Variants in TCF7L1 observed in about 807,000 individuals in gnomAD.
TCF7L1 encodes the protein transcription factor 7-like 1.
In TCF7L1, 18 loss-of-function variants were observed where a neutral mutation model predicts 63.7. The observed-to-expected ratio is 0.28, with a 90% CI of 0.20 to 0.42. The LOEUF (loss-of-function observed/expected upper bound fraction) is 0.42. TCF7L1 is among the 10% of genes least tolerant of loss of function. The pLI is 1.00. For missense variants in TCF7L1, 654 were observed against 779.3 expected, an observed-to-expected ratio of 0.84 and a Z score of 1.91; for synonymous variants, 355 against 340.9, an observed-to-expected ratio of 1.04 and a Z score of -0.46.
At position 85,134,181 on chromosome 2, in the gene TCF7L1, T is replaced by C. The variant is rs548832162; in HGVS notation, c.313+102T>C. 15 of 1,522,574 alleles carry C rather than the reference T, an allele frequency of 9.9e-6. No individual in the cohort carries two copies. In the Admixed American group the frequency reaches 1.6e-4, roughly 16 times the overall value. The allele number at this position is 1,522,574 out of a possible 1,614,324, so 94.3% of individuals were successfully genotyped here. A position where few individuals can be genotyped will look rare whatever the true frequency, so the allele number is the denominator to read the frequency against. On this transcript the variant is annotated intron_variant, in intron 2 of 11. Transcript: ENST00000282111. The surrounding 1 kb of genome is among the most constrained non-coding windows in gnomAD (Gnocchi z 5.0). ...CCCCTTGCTTGGGTGGACGCACCCT[T>C]GCCCTCCGCCTTTATTGGCGGCAGC... is the stretch of plus-strand genomic sequence containing the variant.
intron 3 of TCF7L1, among the ~76,000 whole-genome samples, chr2:85,159,083 A>G (rs1192860679): frequency 1.3e-5 from 2 of 152,232 alleles, no homozygotes; most frequent in Non-Finnish European, 2.9e-5. Context: ...CACCGTGGAC[A>G]GTGCGGTTCA....
In TCF7L1 at chr2:85,229,020, C is replaced by CAAAA. The variant is rs1182542916; in HGVS notation, c.442-54459_442-54456dup. Among the ~76,000 whole-genome samples, 3 of 57,360 alleles carry CAAAA rather than the reference C, an allele frequency of 5.2e-5. 1 individual carries two copies. Among genetic ancestry groups the CAAAA allele is most frequent in the African/African-American group, 1.1e-4 (2 of 18,664 alleles). The allele number at this position is 57,360 out of a possible 152,430, so 37.6% of individuals were successfully genotyped here. A position where few individuals can be genotyped will look rare whatever the true frequency, so the allele number is the denominator to read the frequency against. ...TGGGCGACAGAGAGAGACTCTGTCT[C>CAAAA]AAAAAAAAAAAAAAAAAAAGAAAGG... On this transcript the variant is annotated intron_variant, in intron 3 of 11. Coordinates refer to ENST00000282111, the MANE Select transcript of TCF7L1 (RefSeq NM_031283.3).
At chr2:85,162,097 T>TA (rs1678300422) in intron 3 of TCF7L1, among the ~76,000 whole-genome samples, 5 of 150,158 alleles carry the variant, frequency 3.3e-5, no homozygotes, top group Non-Finnish European at 5.9e-5. Flanking sequence ...TGGCTGGGTG[T>TA]GGTGATGCAT....
intron 3 of TCF7L1, among the ~76,000 whole-genome samples, chr2:85,185,857 C>G (rs1402666975): frequency 6.6e-6 from 1 of 151,684 alleles, no homozygotes; most frequent in East Asian, 1.9e-4. Flanking sequence ...GCCTCCTAGT[C>G]TGTTTGTATG....
chr2:85,181,779 C>T (rs576629402), intron 3 of TCF7L1, among the ~76,000 whole-genome samples: 6 of 152,246 alleles, frequency 3.9e-5, no homozygotes, highest in African/African-American at 1.4e-4. Flanking sequence ...CCAGGGCGCT[C>T]GTCTGGTGTT....
At chr2:85,208,365 G>C in intron 3 of TCF7L1, among the ~76,000 whole-genome samples, 1 of 152,118 alleles carries the variant, frequency 6.6e-6, no homozygotes, top group Non-Finnish European at 1.5e-5. Context: ...GTCACCTTCT[G>C]GCAGGAGAGA....
chr2:85,188,499 A>C (rs1678979026), intron 3 of TCF7L1, among the ~76,000 whole-genome samples: 1 of 152,252 alleles, frequency 6.6e-6, no homozygotes, highest in Non-Finnish European at 1.5e-5. Flanking sequence ...TGTTTATGTC[A>C]CATCAAGAAT....
intron 3 of TCF7L1, among the ~76,000 whole-genome samples, chr2:85,259,819 G>T (rs951293186): frequency 3.3e-5 from 5 of 152,124 alleles, no homozygotes; most frequent in Admixed American, 3.3e-4. Flanking sequence ...TTGAAATGCG[G>T]GGATGTTGAA....
chr2:85,300,556 C>G (rs991646613), intron 4 of TCF7L1, among the ~76,000 whole-genome samples: 1 of 152,050 alleles, frequency 6.6e-6, no homozygotes, highest in African/African-American at 2.4e-5. Flanking sequence ...TTTAATTCTC[C>G]GCCTCTCCTC....
intron 3 of TCF7L1, among the ~76,000 whole-genome samples, chr2:85,211,402 C>A (rs549362679): frequency 9.9e-5 from 15 of 152,184 alleles, no homozygotes; most frequent in Non-Finnish European, 1.9e-4. Flanking sequence ...AGAGCTGGGT[C>A]AGTATTACCA....
At chr2:85,308,503 C>T (rs1682193779) in intron 11 of TCF7L1, among the ~76,000 whole-genome samples, 1 of 129,186 alleles carries the variant, frequency 7.7e-6, no homozygotes, top group Non-Finnish European at 1.6e-5. Context: ...TCCCCCCCTC[C>T]CTTTCTTCTT....
chr2:85,273,130 C>T (rs1681190233), intron 3 of TCF7L1, among the ~76,000 whole-genome samples: 1 of 152,158 alleles, frequency 6.6e-6, no homozygotes, highest in African/African-American at 2.4e-5. Flanking sequence ...AGCTGCCCAC[C>T]AGCAGCTTCC....
rs2104174222 is a variant in TCF7L1 at position 85,134,599 on chromosome 2, G to A, written c.441+149G>A. ...GGAGTTGAACTACTCTCTGGCGGCCGAGCGCGAGGCTGCGCTGGCCAGTGC... is the reference window on the plus strand; with the variant it reads ...GGAGTTGAACTACTCTCTGGCGGCCAAGCGCGAGGCTGCGCTGGCCAGTGC... On this transcript the variant is annotated intron_variant, in intron 3 of 11. Coordinates refer to ENST00000282111, the MANE Select transcript of TCF7L1 (RefSeq NM_031283.3). This position sits in a 1 kb window ranked among gnomAD's most constrained non-coding sequence, Gnocchi z 5.0. The A allele has an allele frequency of 8.4e-7, 1 of 1,188,422 alleles. No individual in the cohort carries two copies. Among genetic ancestry groups the A allele is most frequent in the Non-Finnish European group, 1.1e-6 (1 of 872,922 alleles). The allele number at this position is 1,188,422 out of a possible 1,614,324, so 73.6% of individuals were successfully genotyped here.
chr2:85,264,761 G>A (rs527965878), intron 3 of TCF7L1, among the ~76,000 whole-genome samples: 23 of 152,258 alleles, frequency 1.5e-4, no homozygotes, highest in African/African-American at 5.5e-4. Context: ...CCAAGCCCTG[G>A]ATTTGATTGG....
intron 3 of TCF7L1, among the ~76,000 whole-genome samples, chr2:85,247,530 G>A (rs1441226620): frequency 6.6e-6 from 1 of 152,114 alleles, no homozygotes; most frequent in Non-Finnish European, 1.5e-5. Context: ...TCTTTAACTT[G>A]CAAAACTTAA....
chr2:85,273,507 G>A (rs1291617908), intron 3 of TCF7L1, among the ~76,000 whole-genome samples: 2 of 152,226 alleles, frequency 1.3e-5, no homozygotes, highest in African/African-American at 2.4e-5. Flanking sequence ...TAAACAGTTT[G>A]ATAACCTTGT....
At chr2:85,287,661 G>T (rs1681594753) in intron 4 of TCF7L1, among the ~76,000 whole-genome samples, 1 of 152,146 alleles carries the variant, frequency 6.6e-6, no homozygotes, top group African/African-American at 2.4e-5. Context: ...GCAGACACAG[G>T]CCTCAAAAAC....
At chr2:85,160,381 C>A (rs1398516083) in intron 3 of TCF7L1, among the ~76,000 whole-genome samples, 1 of 152,158 alleles carries the variant, frequency 6.6e-6, no homozygotes, top group Non-Finnish European at 1.5e-5. Context: ...TGTGTCACCA[C>A]GCCCAGCAAA....
chr2:85,171,330 A>G (rs1678540609), intron 3 of TCF7L1, among the ~76,000 whole-genome samples: 2 of 152,208 alleles, frequency 1.3e-5, no homozygotes, highest in Admixed American at 1.3e-4. Flanking sequence ...AAACCACATG[A>G]GAAGGATTAT....
Sources: gnomAD v4.1 joint callset for allele counts (sites outside exome capture counted in the v4.1 genomes callset) on GRCh38, gnomAD v4.1.1 for gene constraint, Gnocchi (gnomAD v3.1) non-coding constraint, MANE v1.5 for transcripts, NCBI Gene and HGNC (gene_info 2026-07-23, HGNC 2026-07-21) for gene names.